The following PCLO variants were observed in gnomAD, a reference collection of about 807,000 sequenced individuals.
PCLO encodes the protein piccolo presynaptic cytomatrix protein, also known as protein piccolo.
In PCLO, 82 loss-of-function variants were observed where a neutral mutation model predicts 427.5. The ratio of observed to expected loss-of-function variants is 0.19; its 90% CI spans 0.16 to 0.23. PCLO has a LOEUF of 0.23. Among genes scored for constraint, PCLO ranks in the 10% least tolerant of loss-of-function variants. PCLO has a pLI of 1.00. For missense variants in PCLO, 6,239 were observed against 6,115.9 expected (o/e 1.02, Z -0.67); for synonymous variants, 2,357 against 2,155.4 (o/e 1.09, Z -2.59).
intron 3 of PCLO, among the ~76,000 whole-genome samples, chr7:83,054,178 T>C (rs1789321272): frequency 6.6e-6 from 1 of 152,040 alleles, no homozygotes; most frequent in Admixed American, 6.6e-5. Context: ...CCAGTTATTC[T>C]GGAAACAAAA....
chr7:82,957,697 T>C (rs2115588835), intron 4 of PCLO, among the ~76,000 whole-genome samples: 1 of 152,340 alleles, frequency 6.6e-6, no homozygotes, highest in South Asian at 2.1e-4. Context: ...TCTATAGAGT[T>C]GTTAATCACA....
chr7:82,932,242 C>A (rs1343467642), intron 6 of PCLO, among the ~76,000 whole-genome samples: 1 of 152,020 alleles, frequency 6.6e-6, no homozygotes, highest in African/African-American at 2.4e-5. Context: ...TAATTTACAT[C>A]CTGGCAAGAT....
At chr7:83,094,322 C>A (rs1334843808) in intron 3 of PCLO, among the ~76,000 whole-genome samples, 1 of 151,374 alleles carries the variant, frequency 6.6e-6, no homozygotes, top group Non-Finnish European at 1.5e-5. Context: ...GATTCTCCTG[C>A]CTCAGCTGCC....
rs574307726 is a variant in PCLO, at chr7:83,094,362, C to T, written c.3300+39888G>A. On this transcript the variant is annotated intron_variant, in intron 3 of 24. Transcript: ENST00000333891. ...TAGCTGGGACTACAGGTGTGCGCCA[C>T]CATGCCCAGCTAATTTTTGTATTTT... Among the ~76,000 whole-genome samples, 7 of 152,078 alleles carry T rather than the reference C, an allele frequency of 4.6e-5. No individual in the cohort carries two copies. The South Asian group carries it at 1.5e-3, about 32-fold the overall frequency.
At chr7:83,098,694 C>T (rs1790657270) in intron 3 of PCLO, among the ~76,000 whole-genome samples, 1 of 152,082 alleles carries the variant, frequency 6.6e-6, no homozygotes, top group South Asian at 2.1e-4. Flanking sequence ...CATCCTTTAG[C>T]GTTTTCTTAC....
At chr7:82,786,771 T>A (rs1790993519) in intron 22 of PCLO, among the ~76,000 whole-genome samples, 1 of 151,998 alleles carries the variant, frequency 6.6e-6, no homozygotes, top group East Asian at 1.9e-4. Context: ...CCCTGGTGTG[T>A]GATGTTCTCC....
intron 2 of PCLO, among the ~76,000 whole-genome samples, chr7:83,151,251 T>C (rs1250712472): frequency 1.3e-5 from 2 of 152,204 alleles, no homozygotes; most frequent in African/African-American, 2.4e-5. Flanking sequence ...ATACTGTTGA[T>C]CGAATGTCTT....
intron 16 of PCLO, among the ~76,000 whole-genome samples, chr7:82,831,468 G>A (rs947223046): frequency 1.3e-5 from 2 of 152,090 alleles, no homozygotes; most frequent in Non-Finnish European, 2.9e-5. Flanking sequence ...TATGTATAAT[G>A]TGTGTAGACA....
chr7:83,156,205 C>G lies in PCLO; in HGVS notation c.436G>C (p.Glu146Gln). 6.2e-7 allele frequency: 1 copy of G among 1,613,752 alleles called. No homozygotes were observed. The highest frequency in any genetic ancestry group is 1.1e-5 in the South Asian group (1 of 91,056). ...GGCATCATACTAGACTTGTGCTCTT[C>G]CTTTAAATCAGTTCTGGACTTTGAT... is the stretch of plus-strand genomic sequence containing the variant. ...KESKSRTDLK[E>Q]EHKSSMMPGF... The change falls in exon 2 of 25, where the codon GAA (glutamate) becomes CAA (glutamine). Residue 146 changes from glutamate (E) to glutamine (Q), a missense_variant. Around this residue, in one of 5 missense-constraint regions of PCLO, gnomAD observed 4,677 missense variants for 4,468.4 expected, o/e 1.05. Transcript: ENST00000333891.
At chr7:82,843,859 T>A (rs986900056) in intron 13 of PCLO, among the ~76,000 whole-genome samples, 3 of 151,756 alleles carry the variant, frequency 2.0e-5, no homozygotes, top group Admixed American at 2.0e-4. Context: ...AGAGATGGGG[T>A]TTCACTGTGT....
intron 3 of PCLO, among the ~76,000 whole-genome samples, chr7:82,988,910 C>T (rs1279336369): frequency 1.3e-5 from 2 of 151,918 alleles, no homozygotes; most frequent in African/African-American, 4.8e-5. Context: ...TCTCGGCTCA[C>T]CGCAACCTCT....
intron 3 of PCLO, among the ~76,000 whole-genome samples, chr7:83,123,093 A>G (rs1207099670): frequency 6.6e-6 from 1 of 152,174 alleles, no homozygotes; most frequent in Non-Finnish European, 1.5e-5. Context: ...ATCTCTATCA[A>G]AATACTAGTA....
intron 3 of PCLO, among the ~76,000 whole-genome samples, chr7:82,982,707 T>A (rs1796173716): frequency 6.6e-6 from 1 of 152,206 alleles, no homozygotes; most frequent in Admixed American, 6.6e-5. Flanking sequence ...AGACATGCAT[T>A]ACTTTTATGG....
Position 82,952,534 on chromosome 7 carries a change from T to G in PCLO, c.8419A>C (p.Thr2807Pro), listed in dbSNP as rs1164030680. ...FVTCTASASYTTGTESLVGAE... is the reference protein window; with the variant it reads ...FVTCTASASYPTGTESLVGAE... Reference sequence around the variant, plus strand: ...CCCACTAGGCTTTCTGTGCCTGTAGTGTAACTTGCACTAGCTGTGCATGTG... The same window carrying G: ...CCCACTAGGCTTTCTGTGCCTGTAGGGTAACTTGCACTAGCTGTGCATGTG... The change falls in exon 5 of 25, where the codon ACT becomes CCT. Residue 2807 changes from threonine to proline, a missense_variant. Transcript: ENST00000333891. The G allele has an allele frequency of 3.1e-6, 5 of 1,613,954 alleles. No individual in the cohort carries two copies. In the East Asian group the frequency reaches 1.1e-4, roughly 36 times the overall value.
At position 82,998,991 on chromosome 7, in the gene PCLO, AAAT is replaced by A. The variant is rs1787705933; in HGVS notation, c.3301-32507_3301-32505del. 2.0e-5 allele frequency among the ~76,000 whole-genome samples: 3 copies of A among 151,470 alleles called. No homozygotes were observed. The East Asian group carries it at 5.8e-4, about 29-fold the overall frequency. On this transcript the variant is annotated intron_variant, in intron 3 of 24. Transcript: ENST00000333891. ...GCAGATAAATGAAAATATTAAGAAA[AAAT>A]AAAAAATTAATGTTAGGGATAAAAA...
chr7:83,144,782 G>T (rs1179584268), intron 2 of PCLO, among the ~76,000 whole-genome samples: 1 of 151,990 alleles, frequency 6.6e-6, no homozygotes, highest in African/African-American at 2.4e-5. Context: ...AATTTAAAAA[G>T]ATCTACACAT....
chr7:82,820,100 T>C (rs566261901), intron 20 of PCLO, among the ~76,000 whole-genome samples: 42 of 152,272 alleles, frequency 2.8e-4, no homozygotes, highest in Middle Eastern at 3.4e-3. Context: ...AACAGAGCTA[T>C]GAGTTGAAGG....
intron 8 of PCLO, among the ~76,000 whole-genome samples, chr7:82,906,222 A>C (rs2116216700): frequency 6.6e-6 from 1 of 152,162 alleles, no homozygotes; most frequent in South Asian, 2.1e-4. Flanking sequence ...TATGTAAACT[A>C]GTTTTAAAAG....
chr7:82,994,239 G>A (rs981663243), intron 3 of PCLO, among the ~76,000 whole-genome samples: 5 of 151,854 alleles, frequency 3.3e-5, no homozygotes, highest in African/African-American at 1.2e-4. Context: ...ATACAACAGT[G>A]AACAAACAGA....
Sources: gnomAD v4.1 joint callset for allele counts (sites outside exome capture counted in the v4.1 genomes callset) on GRCh38, gnomAD v4.1.1 for gene constraint, gnomAD v4.1.1 regional missense constraint, MANE v1.5 for transcripts, NCBI Gene and HGNC (gene_info 2026-07-23, HGNC 2026-07-21) for gene names.